COL24A1: variants seen among roughly 807,000 people sequenced by gnomAD.
COL24A1 encodes collagen alpha-1(XXIV) chain.
A neutral mutation model predicts 253.9 loss-of-function variants in COL24A1; 224 were observed. The ratio of observed to expected loss-of-function variants is 0.88; its 90% CI spans 0.79 to 0.99. COL24A1 has a LOEUF of 0.99. Ranked by LOEUF, COL24A1 falls within the 50% of genes least tolerant of loss-of-function variation. The probability of loss-of-function intolerance (pLI) is 0.00; values close to 1 mark genes in which losing one functional copy is unlikely to be tolerated. For synonymous variants in COL24A1, 685 were observed against 673.7 expected, an observed-to-expected ratio of 1.02 and a Z score of -0.26; for missense variants, 2,131 against 2,068.5, an observed-to-expected ratio of 1.03 and a Z score of -0.59.
chr1:86,071,326 G>C (rs1307978900), intron 7 of COL24A1, among the ~76,000 whole-genome samples: 4 of 151,696 alleles, frequency 2.6e-5, no homozygotes, highest in Non-Finnish European at 4.4e-5. Context: ...AACTGGAATG[G>C]AGGAAAGAAG....
At chr1:86,131,709 G>A (rs1047847425) in intron 2 of COL24A1, among the ~76,000 whole-genome samples, 44 of 152,216 alleles carry the variant, frequency 2.9e-4, no homozygotes, top group African/African-American at 9.4e-4. Context: ...TTTTATGGCT[G>A]CATGGTATTC....
chr1:85,884,088 T>C (rs778010965), intron 32 of COL24A1, among the ~76,000 whole-genome samples: 2 of 152,216 alleles, frequency 1.3e-5, no homozygotes, highest in Non-Finnish European at 2.9e-5. Context: ...TTCTTGCTGG[T>C]CTGCTAGTGA....
At chr1:85,872,618 GA>G (rs35616363) in intron 35 of COL24A1, among the ~76,000 whole-genome samples, 1 of 152,098 alleles carries the variant, frequency 6.6e-6, no homozygotes, top group East Asian at 1.9e-4. Context: ...ATGGTGTTAA[GA>G]AAACTGGCTA....
At chr1:86,103,745 A>G (rs1704680145) in intron 5 of COL24A1, among the ~76,000 whole-genome samples, 1 of 152,180 alleles carries the variant, frequency 6.6e-6, no homozygotes, top group Non-Finnish European at 1.5e-5. Context: ...TTCTGCTGAA[A>G]GGTCTGCTGT....
At chr1:85,761,472 T>C in intron 54 of COL24A1, 50 bp from the exon 55 acceptor site, 1 of 1,613,860 alleles carries the variant, frequency 6.2e-7, no homozygotes, top group Non-Finnish European at 8.5e-7. Flanking sequence ...GTAGACATCT[T>C]AAACCAGGCA....
intron 19 of COL24A1, among the ~76,000 whole-genome samples, chr1:86,008,320 C>T (rs917842722): frequency 6.6e-5 from 10 of 151,962 alleles, no homozygotes; most frequent in African/African-American, 2.4e-4. Flanking sequence ...CCTCGGCTCA[C>T]CAAAACTTCT....
At chr1:85,859,792 T>G (rs1199587086) in intron 37 of COL24A1, among the ~76,000 whole-genome samples, 1 of 152,190 alleles carries the variant, frequency 6.6e-6, no homozygotes, top group East Asian at 1.9e-4. Context: ...TTTTTTACTA[T>G]GTACATGTTA....
chr1:85,960,067 A>G (rs973611624), intron 24 of COL24A1, among the ~76,000 whole-genome samples: 1 of 152,164 alleles, frequency 6.6e-6, no homozygotes, highest in African/African-American at 2.4e-5. Flanking sequence ...TAGGTATGGC[A>G]ATTATCTTTT....
chr1:85,745,135 T>C (rs1199801591), intron 56 of COL24A1, among the ~76,000 whole-genome samples: 2 of 152,062 alleles, frequency 1.3e-5, no homozygotes, highest in Admixed American at 6.6e-5. Context: ...AGTGATAATA[T>C]ATATATCTCA....
chr1:85,744,176 C>A (rs17128181), intron 57 of COL24A1, among the ~76,000 whole-genome samples: 1 of 151,938 alleles, frequency 6.6e-6, no homozygotes, highest in Non-Finnish European at 1.5e-5. Flanking sequence ...CTAATGAAAT[C>A]GGGGCATCTG....
chr1:85,950,328 A>G (rs1689766645), intron 24 of COL24A1, among the ~76,000 whole-genome samples: 1 of 152,248 alleles, frequency 6.6e-6, no homozygotes, highest in African/African-American at 2.4e-5. Flanking sequence ...GAATGGATGC[A>G]AAACATATTA....
intron 43 of COL24A1, among the ~76,000 whole-genome samples, chr1:85,831,891 A>T (rs1675333332): frequency 1.3e-5 from 2 of 152,044 alleles, no homozygotes. Flanking sequence ...TGAGAGCCTG[A>T]TGGTAGTTTC....
intron 2 of COL24A1, among the ~76,000 whole-genome samples, chr1:86,142,986 TA>T (rs1389194864): frequency 1.3e-5 from 2 of 152,140 alleles, no homozygotes; most frequent in African/African-American, 2.4e-5. Context: ...GCAAGCCAGA[TA>T]AAAAAAGGCA....
intron 19 of COL24A1, among the ~76,000 whole-genome samples, chr1:86,014,572 C>T (rs1349600208): frequency 6.6e-6 from 1 of 151,772 alleles, no homozygotes; most frequent in African/African-American, 2.4e-5. Flanking sequence ...AAAGCCAAAA[C>T]ATTATTTCCT....
chr1:85,970,358 A>G, intron 21 of COL24A1, 87 bp from the exon 22 acceptor site: 3 of 1,246,380 alleles, frequency 2.4e-6, no homozygotes, highest in Non-Finnish European at 3.4e-6. Context: ...TTATTCTAAA[A>G]TGTGAAGCTC....
At chr1:86,018,877 T>TA (rs1174339481) in intron 18 of COL24A1, among the ~76,000 whole-genome samples, 1 of 151,896 alleles carries the variant, frequency 6.6e-6, no homozygotes, top group Non-Finnish European at 1.5e-5. Context: ...TATTTTTTTT[T>TA]AAAATACTTG....
chr1:86,143,348 C>T (rs1210042116), intron 2 of COL24A1, among the ~76,000 whole-genome samples: 1 of 152,030 alleles, frequency 6.6e-6, no homozygotes, highest in African/African-American at 2.4e-5. Context: ...GTACTTGGTG[C>T]GTTTGGGGGA....
chr1:85,949,221 G>C (rs545880332), intron 24 of COL24A1, among the ~76,000 whole-genome samples: 2 of 152,216 alleles, frequency 1.3e-5, no homozygotes, highest in Admixed American at 1.3e-4. Flanking sequence ...AAAGAGTCTT[G>C]TGCTAGGCAG....
In COL24A1 at chr1:85,911,416, A is replaced by G; in HGVS notation, c.2580T>C (p.Pro860=). ...KIGETGPVGL[P]GEVGMTGSIG... The stretch of plus-strand genomic sequence containing the variant: ...TGCTTCCAGTCATCCCAACTTCTCC[A>G]GGTAAGCCAACAGGTCCCTTTTAGG... Residue 860 remains proline, a synonymous_variant, in exon 25 of 60, where the codon CCT becomes CCC. Transcript: ENST00000370571. 1 of 1,612,434 alleles carries G rather than the reference A, an allele frequency of 6.2e-7. No homozygotes were observed. Among genetic ancestry groups the G allele is most frequent in the Non-Finnish European group, 8.5e-7 (1 of 1,178,982 alleles).
Sources: allele counts gnomAD v4.1 joint callset (sites outside exome capture counted in the v4.1 genomes callset), GRCh38; gene constraint gnomAD v4.1.1; transcripts MANE v1.5; gene names NCBI Gene and HGNC (gene_info 2026-07-23, HGNC 2026-07-21).